The following BTBD7 variants were observed in gnomAD, a reference collection of about 807,000 sequenced individuals.
BTBD7 encodes BTB domain containing 7, also known as BTB/POZ domain-containing protein 7.
A neutral mutation model predicts 99.9 loss-of-function variants in BTBD7; 38 were observed. That is an observed-to-expected ratio of 0.38 (90% CI 0.29 to 0.50). BTBD7 has a LOEUF of 0.50. Among genes scored for constraint, BTBD7 ranks in the 20% least tolerant of loss-of-function variants. BTBD7 has a pLI of 0.93. For synonymous variants in BTBD7, 520 were observed against 511.4 expected, an observed-to-expected ratio of 1.02 and a Z score of -0.23; for missense variants, 1,170 against 1,394.6, an observed-to-expected ratio of 0.84 and a Z score of 2.57.
At chr14:93,268,359 T>C (rs1467281012) in intron 3 of BTBD7, among the ~76,000 whole-genome samples, 1 of 152,186 alleles carries the variant, frequency 6.6e-6, no homozygotes, top group Non-Finnish European at 1.5e-5. Flanking sequence ...ATCTTTCTTA[T>C]ATATATTTGT....
At chr14:93,310,716 C>A (rs1243922640) in intron 1 of BTBD7, among the ~76,000 whole-genome samples, 1 of 151,442 alleles carries the variant, frequency 6.6e-6, no homozygotes, top group Non-Finnish European at 1.5e-5. Context: ...TGCACTCTAG[C>A]CTGGGCAACA....
intron 3 of BTBD7, among the ~76,000 whole-genome samples, chr14:93,267,955 C>T (rs527618221): frequency 6.6e-6 from 1 of 152,262 alleles, no homozygotes; most frequent in Admixed American, 6.5e-5. Flanking sequence ...TATATATGGC[C>T]TCTTTAACGA....
chr14:93,249,789 TAAG>T (rs71730067), intron 8 of BTBD7, among the ~76,000 whole-genome samples: 23,344 of 151,806 alleles, frequency 0.15, 2,727 homozygotes, highest in African/African-American at 0.33. Context: ...GAATTTTGAG[TAAG>T]ATGAGAGGCG....
chr14:93,321,952 C>T (rs1348192927), intron 1 of BTBD7, among the ~76,000 whole-genome samples: 1 of 152,028 alleles, frequency 6.6e-6, no homozygotes, highest in African/African-American at 2.4e-5. Flanking sequence ...TGGGAACTAA[C>T]TATGAGAAGG....
chr14:93,242,748 G>A lies in BTBD7; in HGVS notation c.2924C>T (p.Pro975Leu), dbSNP rs200704553. ...TGCCTTATTGTGGCTGTACAGATCG[G>A]GACCAAAATATCCACCTTGCGAAGG... ...PSPSQGGYFG[P>L]DLYSHNKASP... Residue 975 changes from proline (P) to leucine (L), a missense_variant, in exon 11 of 11, where the codon CCC becomes CTC. Physicochemically the swap from Pro to Leu is moderately conservative, Grantham distance 98. Around this residue, in one of 4 missense-constraint regions of BTBD7, gnomAD observed 495 missense variants for 525.9 expected, o/e 0.94. Transcript: ENST00000334746. 2 of 1,614,192 alleles carry A rather than the reference G, an allele frequency of 1.2e-6. No individual in the cohort carries two copies. Among genetic ancestry groups the A allele is most frequent in the Admixed American group, 3.3e-5 (2 of 60,028 alleles).
chr14:93,320,401 C>G (rs12436581), intron 1 of BTBD7, among the ~76,000 whole-genome samples: 2,557 of 152,302 alleles, frequency 0.017, 78 homozygotes, highest in African/African-American at 0.059. Flanking sequence ...TCACAAGGCA[C>G]AGGACAGTCC....
At chr14:93,326,640 A>G (rs996199294) in intron 1 of BTBD7, among the ~76,000 whole-genome samples, 3 of 152,018 alleles carry the variant, frequency 2.0e-5, no homozygotes, top group Non-Finnish European at 4.4e-5. Context: ...TGTCTCTACT[A>G]AAAATACAAA....
chr14:93,259,378 T>C (rs1262707029), intron 5 of BTBD7, among the ~76,000 whole-genome samples: 1 of 152,196 alleles, frequency 6.6e-6, no homozygotes, highest in Admixed American at 6.5e-5. Context: ...GGGGGCCATC[T>C]TGAACAGTGA....
rs79227099 is a variant in BTBD7 at position 93,324,567 on chromosome 14, C to G, written c.-107+8253G>C. Among the ~76,000 whole-genome samples, 533 of 152,254 alleles carry G rather than the reference C, an allele frequency of 3.5e-3. 12 individuals are homozygous for G. The South Asian group carries it at 0.052, about 15-fold the overall frequency. ...GTGGTTAAATGATGTTACCAAGGATCCAGATACCCTCTACCTCTCTGATCT... is the reference window on the plus strand; with the variant it reads ...GTGGTTAAATGATGTTACCAAGGATGCAGATACCCTCTACCTCTCTGATCT... On this transcript the variant is annotated intron_variant, in intron 1 of 10. Transcript: ENST00000334746.
chr14:93,287,918 T>C (rs2052799660), intron 3 of BTBD7: 1 of 152,368 alleles, frequency 6.6e-6, no homozygotes, highest in Admixed American at 6.5e-5. Context: ...CAGGCAGTTT[T>C]TCGAGGTATG....
chr14:93,322,612 G>C (rs67740400), intron 1 of BTBD7, among the ~76,000 whole-genome samples: 12,722 of 152,154 alleles, frequency 0.084, 570 homozygotes, highest in Middle Eastern at 0.17. Flanking sequence ...TTTCAAAGTG[G>C]ATAGAGAAAT....
chr14:93,299,113 TG>T (rs1419647246), intron 1 of BTBD7, among the ~76,000 whole-genome samples: 1 of 151,792 alleles, frequency 6.6e-6, no homozygotes, highest in Non-Finnish European at 1.5e-5. Context: ...GGAAGGGAGG[TG>T]GGGGAGGCAG....
intron 5 of BTBD7, 58 bp downstream of exon 5, chr14:93,261,544 A>G (rs968128546): frequency 2.5e-5 from 33 of 1,328,794 alleles, no homozygotes; most frequent in Non-Finnish European, 3.3e-5. Context: ...GCATTTCTAT[A>G]TAAGAACCAC....
chr14:93,331,289 G>A (rs1440850642), intron 1 of BTBD7, among the ~76,000 whole-genome samples: 1 of 152,048 alleles, frequency 6.6e-6, no homozygotes, highest in African/African-American at 2.4e-5. Context: ...CTCTAAATGG[G>A]GTAATGGGGT....
chr14:93,290,853 T>A (rs770593458), intron 3 of BTBD7, among the ~76,000 whole-genome samples: 5 of 151,836 alleles, frequency 3.3e-5, no homozygotes, highest in Non-Finnish European at 7.4e-5. Flanking sequence ...CTGGCTAATT[T>A]TTGTATTTTT....
intron 3 of BTBD7, among the ~76,000 whole-genome samples, chr14:93,280,380 C>A (rs2052704711): frequency 6.6e-6 from 1 of 152,080 alleles, no homozygotes; most frequent in African/African-American, 2.4e-5. Context: ...CAACGAAAAC[C>A]TAATATAAAA....
intron 3 of BTBD7, among the ~76,000 whole-genome samples, chr14:93,278,818 C>T (rs898882049): frequency 2.0e-5 from 3 of 152,060 alleles, no homozygotes; most frequent in Non-Finnish European, 2.9e-5. Context: ...GTCTTGGCCA[C>T]GCATAGTGGC....
At chr14:93,260,164 A>G (rs1253771820) in intron 5 of BTBD7, among the ~76,000 whole-genome samples, 1 of 152,208 alleles carries the variant, frequency 6.6e-6, no homozygotes, top group African/African-American at 2.4e-5. Context: ...TTAGCACAAC[A>G]TTTTTTATAT....
chr14:93,326,027 C>T (rs912189233), intron 1 of BTBD7, among the ~76,000 whole-genome samples: 2 of 151,970 alleles, frequency 1.3e-5, no homozygotes, highest in African/African-American at 4.8e-5. Context: ...TACAAACTGT[C>T]CAAAATTTTA....
Sources: allele counts gnomAD v4.1 joint callset (sites outside exome capture counted in the v4.1 genomes callset), GRCh38; gene constraint gnomAD v4.1.1; regional missense constraint gnomAD v4.1.1; transcripts MANE v1.5; gene names NCBI Gene and HGNC (gene_info 2026-07-23, HGNC 2026-07-21).